The following EHBP1 variants were observed in gnomAD, a reference collection of about 807,000 sequenced individuals.
The protein encoded by EHBP1 is EH domain-binding protein 1.
EHBP1 carries 55 observed loss-of-function variants against 144.0 expected under a neutral mutation model. That is an observed-to-expected ratio of 0.38 (90% CI 0.31 to 0.48). The LOEUF (loss-of-function observed/expected upper bound fraction) is 0.48, where lower values mean the gene tolerates loss of function less well. Ranked by LOEUF, EHBP1 falls within the 20% of genes least tolerant of loss-of-function variation. The pLI is 0.98. For missense variants in EHBP1, 1,200 were observed against 1,364.2 expected (o/e 0.88, Z 1.90); for synonymous variants, 469 against 472.7 (o/e 0.99, Z 0.10).
At chr2:63,039,665 A>G (rs2061581887) in intron 21 of EHBP1, among the ~76,000 whole-genome samples, 1 of 152,156 alleles carries the variant, frequency 6.6e-6, no homozygotes. Context: ...GTCAATTCTA[A>G]TTAGTTCAGA....
At chr2:62,806,941 A>G (rs1222890150) in intron 5 of EHBP1, among the ~76,000 whole-genome samples, 3 of 152,138 alleles carry the variant, frequency 2.0e-5, no homozygotes, top group Non-Finnish European at 1.5e-5. Context: ...AAACATTTAT[A>G]GTCACCCCTC....
chr2:62,719,132 A>C (rs1252886980), intron 2 of EHBP1, among the ~76,000 whole-genome samples: 2 of 151,710 alleles, frequency 1.3e-5, no homozygotes, highest in South Asian at 2.1e-4. Context: ...CGCCCGGCTA[A>C]TTTTTTGTAT....
intron 14 of EHBP1, among the ~76,000 whole-genome samples, chr2:62,975,913 CACACACACACACACACACACACAT>C (rs1257393176): frequency 1.3e-5 from 2 of 151,058 alleles, no homozygotes; most frequent in Non-Finnish European, 3.0e-5. Flanking sequence ...CACACACACA[CACACACACACACACACACACACAT>C]ATATAGTAGA....
At chr2:62,936,226 A>G (rs1305651615) in intron 10 of EHBP1, among the ~76,000 whole-genome samples, 7 of 152,070 alleles carry the variant, frequency 4.6e-5, no homozygotes, top group East Asian at 3.8e-4. Context: ...AGTGAAGCCA[A>G]CTGGAATATT....
intron 2 of EHBP1, among the ~76,000 whole-genome samples, chr2:62,738,384 T>C (rs1243891530): frequency 6.6e-6 from 1 of 152,198 alleles, no homozygotes; most frequent in Non-Finnish European, 1.5e-5. Context: ...TGTTAATAAT[T>C]ACTAATTTTG....
intron 19 of EHBP1, among the ~76,000 whole-genome samples, chr2:63,027,804 T>C (rs2061046198): frequency 6.6e-6 from 1 of 152,122 alleles, no homozygotes; most frequent in Non-Finnish European, 1.5e-5. Context: ...GGGGCTAAGA[T>C]GGTAGGGGAG....
intron 10 of EHBP1, among the ~76,000 whole-genome samples, chr2:62,907,158 G>C (rs1236613670): frequency 6.6e-6 from 1 of 152,182 alleles, no homozygotes; most frequent in Non-Finnish European, 1.5e-5. Flanking sequence ...TAAATGCCAG[G>C]AAGCATGGGG....
intron 2 of EHBP1, among the ~76,000 whole-genome samples, chr2:62,744,015 A>G (rs2038940459): frequency 6.6e-6 from 1 of 152,094 alleles, no homozygotes; most frequent in African/African-American, 2.4e-5. Context: ...GATAGGATAG[A>G]AGGTGTTAAA....
chr2:62,727,333 A>G (rs1449062704), intron 2 of EHBP1, among the ~76,000 whole-genome samples: 1 of 150,948 alleles, frequency 6.6e-6, no homozygotes, highest in Non-Finnish European at 1.5e-5. Context: ...TAACTCATGT[A>G]CTAAACAGTT....
At chr2:63,044,748 C>T (rs1441618502) in intron 21 of EHBP1, 1 of 207,988 alleles carries the variant, frequency 4.8e-6, no homozygotes, top group Non-Finnish European at 9.8e-6. Flanking sequence ...CCAACCTCTT[C>T]TGGGCCTCTA....
At chr2:63,009,740 A>G (rs2060192272) in intron 19 of EHBP1, among the ~76,000 whole-genome samples, 1 of 151,548 alleles carries the variant, frequency 6.6e-6, no homozygotes, top group South Asian at 2.1e-4. Context: ...ACTGCTGTAC[A>G]GTAGTCCCTC....
chr2:62,979,216 TGAGA>T lies in EHBP1; in HGVS notation c.2497_2500del (p.Arg833LeufsTer4). On this transcript the variant is annotated frameshift_variant, in exon 15 of 23. Coordinates refer to ENST00000431489, the MANE Select transcript of EHBP1 (RefSeq NM_001142616.3). LOFTEE classifies it high-confidence loss of function. ...CAAGATGAAGAGCGACGTCGGCAGC[TGAGA>T]GAGAGAGCTCGTCAGCTAATAGCAG... 6.2e-7 allele frequency: 1 copy of T among 1,613,274 alleles called. No homozygotes were observed. Among genetic ancestry groups the T allele is most frequent in the Non-Finnish European group, 8.5e-7 (1 of 1,179,544 alleles).
chr2:62,889,300 C>T (rs1368109753), intron 10 of EHBP1, among the ~76,000 whole-genome samples: 1 of 150,836 alleles, frequency 6.6e-6, no homozygotes, highest in Non-Finnish European at 1.5e-5. Flanking sequence ...GGATATTAGA[C>T]CTTTGTCAGA....
intron 4 of EHBP1, among the ~76,000 whole-genome samples, chr2:62,765,160 T>C (rs971867846): frequency 2.0e-5 from 3 of 152,146 alleles, no homozygotes; most frequent in Admixed American, 2.0e-4. Flanking sequence ...CAAATGTTTT[T>C]GTCTGCTCAG....
chr2:63,019,835 GGAAGGAAGGAAGGAAGGAAGGAA>G (rs2060639665), intron 19 of EHBP1, among the ~76,000 whole-genome samples: 20 of 63,878 alleles, frequency 3.1e-4, no homozygotes, highest in Admixed American at 7.1e-4. Context: ...GGGGAGGGAA[GGAAGGAAGGAAGGAAGGAAGGAA>G]GGAAGGAAGG....
At chr2:62,975,490 A>G (rs1224466377) in intron 14 of EHBP1, among the ~76,000 whole-genome samples, 1 of 152,192 alleles carries the variant, frequency 6.6e-6, no homozygotes, top group Non-Finnish European at 1.5e-5. Context: ...CCCATCGGAC[A>G]TTTACCTAAG....
rs142547429 is a variant in EHBP1 at position 62,749,117 on chromosome 2, A to C, written c.162+1665A>C. ...GTCATTTATATTAGGTATATCTCCTAATGCTATCCCTTCCCCATCCCCCCA... is the reference window on the plus strand; with the variant it reads ...GTCATTTATATTAGGTATATCTCCTCATGCTATCCCTTCCCCATCCCCCCA... On this transcript the variant is annotated intron_variant, in intron 3 of 22. Transcript: ENST00000431489. Among the ~76,000 whole-genome samples, 902 of 152,210 alleles carry C rather than the reference A, an allele frequency of 5.9e-3. 7 individuals are homozygous for C. The highest frequency in any genetic ancestry group is 0.01 in the South Asian group (49 of 4,824).
At chr2:62,692,014 T>C (rs1201681678) in intron 1 of EHBP1, among the ~76,000 whole-genome samples, 5 of 152,188 alleles carry the variant, frequency 3.3e-5, no homozygotes, top group Non-Finnish European at 4.4e-5. Context: ...TTTTAGGTCA[T>C]TTTTATCGCT....
chr2:62,928,714 TA>T (rs2055736570), intron 10 of EHBP1, among the ~76,000 whole-genome samples: 1 of 150,270 alleles, frequency 6.7e-6, no homozygotes, highest in Admixed American at 6.7e-5. Flanking sequence ...AAGGAAATAA[TA>T]AAGATTAGAG....
Sources: gnomAD v4.1 joint callset for allele counts (sites outside exome capture counted in the v4.1 genomes callset) on GRCh38, gnomAD v4.1.1 for gene constraint, MANE v1.5 for transcripts, NCBI Gene and HGNC (gene_info 2026-07-23, HGNC 2026-07-21) for gene names.